The following CTNNA2 variants were observed in gnomAD, a reference collection of about 807,000 sequenced individuals.
CTNNA2 encodes catenin alpha 2.
CTNNA2 carries 42 observed loss-of-function variants against 101.0 expected under a neutral mutation model. The ratio of observed to expected loss-of-function variants is 0.42; its 90% confidence interval spans 0.32 to 0.54. The LOEUF (loss-of-function observed/expected upper bound fraction) is 0.54, where lower values mean the gene tolerates loss of function less well. CTNNA2 is among the 20% of genes least tolerant of loss of function. The pLI is 0.14. For synonymous variants in CTNNA2, 450 were observed against 456.4 expected, an observed-to-expected ratio of 0.99 and a Z score of 0.18; for missense variants, 871 against 1,223.1, an observed-to-expected ratio of 0.71 and a Z score of 4.29.
chr2:79,328,106 A>T (rs1399300406), intron 3 of CTNNA2, among the ~76,000 whole-genome samples: 2 of 152,180 alleles, frequency 1.3e-5, no homozygotes, highest in Non-Finnish European at 2.9e-5. Flanking sequence ...TGATAGGCCC[A>T]CTATGTATCT....
chr2:80,490,285 C>T (rs1390328826), intron 9 of CTNNA2, among the ~76,000 whole-genome samples: 14 of 83,168 alleles, frequency 1.7e-4, no homozygotes, highest in Non-Finnish European at 2.8e-4. Context: ...CCCCCACCCC[C>T]CCCCCGGTAA....
At chr2:80,132,577 A>G (rs1300779484) in intron 7 of CTNNA2, among the ~76,000 whole-genome samples, 1 of 152,178 alleles carries the variant, frequency 6.6e-6, no homozygotes, top group Non-Finnish European at 1.5e-5. Flanking sequence ...ATTTATTTCT[A>G]TTTAAAGTAA....
intron 4 of CTNNA2, among the ~76,000 whole-genome samples, chr2:79,866,956 G>A (rs954596868): frequency 6.6e-6 from 1 of 152,146 alleles, no homozygotes; most frequent in Non-Finnish European, 1.5e-5. Context: ...CAATGACATC[G>A]TTGGGGTTCA....
chr2:80,639,541 C>G (rs2862292), intron 18 of CTNNA2, among the ~76,000 whole-genome samples: 70 of 83,478 alleles, frequency 8.4e-4, no homozygotes, highest in African/African-American at 1.7e-3. Context: ...GTGTGTGTGT[C>G]TGTGTTTTTA....
chr2:79,782,469 T>C (rs1047510644), intron 3 of CTNNA2, among the ~76,000 whole-genome samples: 2 of 152,192 alleles, frequency 1.3e-5, no homozygotes, highest in African/African-American at 4.8e-5. Context: ...ACTCCTGACC[T>C]CAGGTGATCT....
At chr2:79,538,500 G>C (rs557632038) in intron 1 of CTNNA2, among the ~76,000 whole-genome samples, 1 of 152,286 alleles carries the variant, frequency 6.6e-6, no homozygotes, top group Non-Finnish European at 1.5e-5. Context: ...GTGGAAGCAT[G>C]GAGGACAGAG....
chr2:79,623,477 C>T (rs955643566), intron 1 of CTNNA2, among the ~76,000 whole-genome samples: 2 of 152,162 alleles, frequency 1.3e-5, no homozygotes, highest in Admixed American at 6.5e-5. Context: ...TCTATTTCTT[C>T]CCTTCTAAGT....
intron 7 of CTNNA2, among the ~76,000 whole-genome samples, chr2:80,343,712 A>G (rs1268354836): frequency 1.3e-5 from 2 of 152,198 alleles, no homozygotes; most frequent in Non-Finnish European, 2.9e-5. Context: ...TTGAACCAAT[A>G]AAAGGAATTA....
chr2:80,195,733 C>A (rs1706789714), intron 7 of CTNNA2, among the ~76,000 whole-genome samples: 1 of 151,590 alleles, frequency 6.6e-6, no homozygotes, highest in Admixed American at 6.6e-5. Flanking sequence ...GTTTTTGCTT[C>A]CTGATATTCA....
intron 18 of CTNNA2, among the ~76,000 whole-genome samples, chr2:80,635,265 G>A (rs986896808): frequency 2.0e-5 from 3 of 152,022 alleles, no homozygotes; most frequent in Non-Finnish European, 4.4e-5. Flanking sequence ...AAAATGATTT[G>A]GAGGGCATTA....
In CTNNA2 at chr2:79,614,392, CT is replaced by C. The variant is rs1184082119; in HGVS notation, c.-5-37158del. On this transcript the variant is annotated intron_variant, in intron 1 of 18. Transcript: ENST00000402739. ...TTATCAAAAGTCCTGATATAAAAAT[CT>C]TGTTTCAATACCTGCAATAATTTTT... 2.6e-5 allele frequency among the ~76,000 whole-genome samples: 4 copies of C among 152,016 alleles called. No homozygotes were observed. The East Asian group carries it at 7.7e-4, about 29-fold the overall frequency.
chr2:80,346,771 G>A (rs1279976402), intron 7 of CTNNA2, among the ~76,000 whole-genome samples: 2 of 152,118 alleles, frequency 1.3e-5, no homozygotes, highest in East Asian at 1.9e-4. Flanking sequence ...GTTTGAAAGA[G>A]GTTTATGTAA....
chr2:79,631,497 C>A lies in CTNNA2; in HGVS notation c.-5-20055C>A, dbSNP rs184719845. ...TGAATAGCCAGGGGGTTGTTACATA[C>A]TCATTGTCATATGTATATGTAACAT... On this transcript the variant is annotated intron_variant, in intron 1 of 18. Coordinates refer to ENST00000402739, the MANE Select transcript of CTNNA2 (RefSeq NM_001282597.3). 3.1e-3 allele frequency among the ~76,000 whole-genome samples: 465 copies of A among 152,278 alleles called. 2 individuals are homozygous for A. Among genetic ancestry groups the A allele is most frequent in the Non-Finnish European group, 4.8e-3 (327 of 68,034 alleles).
chr2:80,515,318 G>A (rs1559172983), intron 9 of CTNNA2, among the ~76,000 whole-genome samples: 1 of 151,892 alleles, frequency 6.6e-6, no homozygotes. Context: ...CTGTGTCTCA[G>A]GGCTTCCCAT....
intron 2 of CTNNA2, among the ~76,000 whole-genome samples, chr2:79,262,121 A>T (rs905385959): frequency 6.6e-6 from 1 of 152,176 alleles, no homozygotes. Flanking sequence ...GCCATTTAGC[A>T]TCATTGAGCC....
chr2:79,318,499 C>A (rs1390482038), intron 3 of CTNNA2, among the ~76,000 whole-genome samples: 1 of 152,146 alleles, frequency 6.6e-6, no homozygotes, highest in African/African-American at 2.4e-5. Flanking sequence ...TGTTGGTTTC[C>A]AAGCACTGGC....
At chr2:79,432,653 G>A (rs1283076150) in intron 4 of CTNNA2, among the ~76,000 whole-genome samples, 3 of 152,136 alleles carry the variant, frequency 2.0e-5, no homozygotes, top group African/African-American at 7.2e-5. Context: ...CACATTTAAA[G>A]ATCAACTACC....
chr2:79,550,575 T>G (rs1174856170), intron 1 of CTNNA2, among the ~76,000 whole-genome samples: 2 of 152,210 alleles, frequency 1.3e-5, no homozygotes, highest in Non-Finnish European at 2.9e-5. Context: ...GGCCAAATAT[T>G]AAAATGCCCA....
rs1678506000 is a variant in CTNNA2, at chr2:79,418,383, T to TA, written c.-135+44373dup. Among the ~76,000 whole-genome samples, 6 of 152,134 alleles carry TA rather than the reference T, an allele frequency of 3.9e-5. No homozygotes were observed. In the South Asian group the frequency reaches 1.2e-3, roughly 31 times the overall value. On this transcript the variant is annotated intron_variant, in intron 4 of 21. Transcript: ENST00000466387. Reference sequence around the variant, plus strand: ...GTTTTGGGGAAGAGCTATTATCACTTAAACTGTAAACTAAATGTCTCCCAA... The same window carrying TA: ...GTTTTGGGGAAGAGCTATTATCACTTAAAACTGTAAACTAAATGTCTCCCAA...
Sources: gnomAD v4.1 joint callset for allele counts (sites outside exome capture counted in the v4.1 genomes callset) on GRCh38, gnomAD v4.1.1 for gene constraint, MANE v1.5 for transcripts, NCBI Gene and HGNC (gene_info 2026-07-23, HGNC 2026-07-21) for gene names.